Variants in ZSCAN4 observed in about 807,000 individuals in gnomAD.
ZSCAN4 encodes the protein zinc finger and SCAN domain containing 4.
A neutral mutation model predicts 18.3 loss-of-function variants in ZSCAN4; 18 were observed. The observed-to-expected ratio is 0.98, with a 90% CI of 0.68 to 1.46. The LOEUF is 1.46. Among genes scored for constraint, ZSCAN4 ranks in the 40% most tolerant of loss-of-function variants. ZSCAN4 has a pLI of 0.00. For synonymous variants in ZSCAN4, 193 were observed against 180.3 expected (o/e 1.07, Z -0.57); for missense variants, 498 against 511.4 (o/e 0.97, Z 0.25).
At chr19:57,676,608 T>TA in intron 3 of ZSCAN4, 67 bp downstream of exon 3, 1 of 1,514,298 alleles carries the variant, frequency 6.6e-7, no homozygotes, top group South Asian at 1.3e-5. Context: ...CACAGTCAGT[T>TA]AGAGTTGTCT....
At chr19:57,662,263 T>A in the ZSCAN4 span, among the ~76,000 whole-genome samples, 1 of 152,108 alleles carries the variant, frequency 6.6e-6, no homozygotes, top group Non-Finnish European at 1.5e-5. Context: ...CAATTTCATT[T>A]GAATGTGAGC....
chr19:57,668,727 A>G (rs1331465029), upstream of ZSCAN4, among the ~76,000 whole-genome samples: 1 of 152,182 alleles, frequency 6.6e-6, no homozygotes, highest in African/African-American at 2.4e-5. Context: ...CATCTCTCTC[A>G]AGCCTCATGT....
At chr19:57,679,134 GAATA>G in exon 5 of ZSCAN4, 1 of 334,746 alleles carries the variant, frequency 3.0e-6, no homozygotes, top group Non-Finnish European at 5.3e-6. Context: ...AATTTCTGTT[GAATA>G]AATGAATGAA....
At chr19:57,657,646 T>C in the ZSCAN4 span, among the ~76,000 whole-genome samples, 2 of 152,188 alleles carry the variant, frequency 1.3e-5, no homozygotes, top group Non-Finnish European at 2.9e-5. Context: ...AACGTGTCCA[T>C]AGAAATACTT....
chr19:57,674,991 G>A (rs1416753746), intron 2 of ZSCAN4, among the ~76,000 whole-genome samples: 1 of 129,354 alleles, frequency 7.7e-6, no homozygotes, highest in East Asian at 2.2e-4. Flanking sequence ...GTCTCACTCT[G>A]TCACCCAGGC....
At chr19:57,652,599 C>T in the ZSCAN4 span, among the ~76,000 whole-genome samples, 1 of 152,128 alleles carries the variant, frequency 6.6e-6, no homozygotes, top group Admixed American at 6.6e-5. Context: ...CCATCTCCCC[C>T]TCTGGCTCCT....
chr19:57,667,997 G>T (rs1447751517), upstream of ZSCAN4, among the ~76,000 whole-genome samples: 3 of 151,986 alleles, frequency 2.0e-5, no homozygotes, highest in Non-Finnish European at 4.4e-5. Context: ...GGCCTCCCAG[G>T]TTCAAGTGAT....
At chr19:57,670,539 G>C (rs898565043) in exon 2 of ZSCAN4, 2 of 152,200 alleles carry the variant, frequency 1.3e-5, no homozygotes, top group Non-Finnish European at 2.9e-5. Context: ...CTCAGTGTTC[G>C]GCCCGGGATT....
the ZSCAN4 span, among the ~76,000 whole-genome samples, chr19:57,663,425 C>T: frequency 4.1e-5 from 6 of 147,690 alleles, no homozygotes; most frequent in South Asian, 8.5e-4. Flanking sequence ...GTGGCTCACG[C>T]CTGTAATCCC....
chr19:57,665,016 AC>A, upstream of ZSCAN4: 1 of 167,238 alleles, frequency 6.0e-6, no homozygotes, highest in Non-Finnish European at 1.4e-5. Context: ...TCCATGACTG[AC>A]CAGGGGCAAA....
exon 3 of ZSCAN4, chr19:57,676,249 GAGA>G (rs758864568): frequency 8.7e-6 from 14 of 1,614,034 alleles, no homozygotes; most frequent in South Asian, 2.2e-5. Context: ...GCTGTTCAGA[GAGA>G]AGAAGGGATT....
exon 3 of ZSCAN4, chr19:57,676,110 A>T: frequency 6.4e-7 from 1 of 1,558,994 alleles, no homozygotes; most frequent in Non-Finnish European, 8.7e-7. Flanking sequence ...AGACTGAATC[A>T]TCAAAGTAAA....
intron 2 of ZSCAN4, among the ~76,000 whole-genome samples, chr19:57,671,167 A>C (rs1490586482): frequency 6.6e-6 from 1 of 152,082 alleles, no homozygotes; most frequent in Non-Finnish European, 1.5e-5. Context: ...CCAGCTTAGT[A>C]ATTCCTTTGT....
chr19:57,669,842 C>G (rs991121103), intron 1 of ZSCAN4, among the ~76,000 whole-genome samples: 4 of 152,044 alleles, frequency 2.6e-5, no homozygotes, highest in Non-Finnish European at 4.4e-5. Context: ...GCTACACAGA[C>G]ATGCCACCAT....
At chr19:57,675,017 T>C (rs562087995) in intron 2 of ZSCAN4, among the ~76,000 whole-genome samples, 11 of 149,640 alleles carry the variant, frequency 7.4e-5, no homozygotes, top group African/African-American at 2.7e-4. Context: ...CTCAGTGGCA[T>C]GATCCTGGCT....
At chr19:57,663,900 G>T in the ZSCAN4 span, among the ~76,000 whole-genome samples, 3 of 152,248 alleles carry the variant, frequency 2.0e-5, no homozygotes, top group African/African-American at 7.2e-5. Context: ...GCCAAGGCAG[G>T]CGGATCACCT....
chr19:57,654,854 G>C, the ZSCAN4 span, among the ~76,000 whole-genome samples: 51 of 152,110 alleles, frequency 3.4e-4, no homozygotes, highest in African/African-American at 7.2e-4. Flanking sequence ...ATTCCCACAG[G>C]GGGGCTGGAA....
the ZSCAN4 span, among the ~76,000 whole-genome samples, chr19:57,651,666 G>C: frequency 5.9e-5 from 9 of 152,184 alleles, no homozygotes; most frequent in African/African-American, 2.2e-4. Flanking sequence ...CCGGGACGAC[G>C]CTTGGGTTCA....
chr19:57,656,519 C>A, the ZSCAN4 span, among the ~76,000 whole-genome samples: 17 of 152,218 alleles, frequency 1.1e-4, no homozygotes. Flanking sequence ...AATGTTTAAC[C>A]AGTCTGCCCA....
Sources: gnomAD v4.1 joint callset for allele counts (sites outside exome capture counted in the v4.1 genomes callset) on GRCh38, gnomAD v4.1.1 for gene constraint, MANE v1.5 for transcripts, NCBI Gene and HGNC (gene_info 2026-07-23, HGNC 2026-07-21) for gene names.